TAF4B: variants seen among roughly 807,000 people sequenced by gnomAD.
TAF4B encodes the protein TATA-box binding protein associated factor 4b.
TAF4B carries 38 observed loss-of-function variants against 86.4 expected under a neutral mutation model. That is an observed-to-expected ratio of 0.44 (90% CI 0.34 to 0.58). The LOEUF is 0.58. Among genes scored for constraint, TAF4B ranks in the 20% least tolerant of loss-of-function variants. The pLI is 0.02. For missense variants in TAF4B, 988 were observed against 1,027.6 expected, an observed-to-expected ratio of 0.96 and a Z score of 0.53; for synonymous variants, 388 against 391.2, an observed-to-expected ratio of 0.99 and a Z score of 0.10.
intron 1 of TAF4B, among the ~76,000 whole-genome samples, chr18:26,258,915 T>A (rs2056123833): frequency 6.6e-6 from 1 of 151,694 alleles, no homozygotes; most frequent in Non-Finnish European, 1.5e-5. Flanking sequence ...TCCAGTCTGG[T>A]CTCAAACTCT....
chr18:26,304,922 T>C, intron 9 of TAF4B: 2 of 968,738 alleles, frequency 2.1e-6, no homozygotes, highest in South Asian at 9.6e-5. Context: ...ATTTATCTGT[T>C]GACTACTTAT....
chr18:26,323,802 T>G (rs2056982313), intron 11 of TAF4B, among the ~76,000 whole-genome samples: 1 of 152,226 alleles, frequency 6.6e-6, no homozygotes, highest in South Asian at 2.1e-4. Flanking sequence ...CCTTTCACTT[T>G]CAGCGTATTG....
At chr18:26,305,397 T>C (rs2056783669) in intron 9 of TAF4B, among the ~76,000 whole-genome samples, 1 of 152,242 alleles carries the variant, frequency 6.6e-6, no homozygotes, top group African/African-American at 2.4e-5. Flanking sequence ...TTTAGTGATA[T>C]GTTTTTGTTT....
At chr18:26,292,901 T>C (rs2056611249) in intron 8 of TAF4B, among the ~76,000 whole-genome samples, 1 of 152,002 alleles carries the variant, frequency 6.6e-6, no homozygotes, top group African/African-American at 2.4e-5. Context: ...AAAGCAACTA[T>C]TCATGGTATT....
chr18:26,298,984 C>T (rs376464042), intron 9 of TAF4B, among the ~76,000 whole-genome samples: 54 of 151,472 alleles, frequency 3.6e-4, no homozygotes, highest in African/African-American at 1.2e-3. Context: ...GCCTCAGCCT[C>T]CCGAGTAGCT....
At chr18:26,267,720 A>C in intron 3 of TAF4B, 97 bp downstream of exon 3, 1 of 818,884 alleles carries the variant, frequency 1.2e-6, no homozygotes, top group Non-Finnish European at 2.0e-6. Flanking sequence ...ACTGTGTGAC[A>C]TTGAAGATAG....
chr18:26,337,424 C>CTTTTTTT (rs551888808), intron 13 of TAF4B, among the ~76,000 whole-genome samples: 8 of 126,120 alleles, frequency 6.3e-5, no homozygotes, highest in Admixed American at 1.8e-4. Context: ...TTCTTTCTTT[C>CTTTTTTT]TTTTTTTTTT....
intron 9 of TAF4B, among the ~76,000 whole-genome samples, chr18:26,299,358 A>G (rs983908183): frequency 1.1e-4 from 17 of 152,168 alleles, no homozygotes; most frequent in African/African-American, 3.9e-4. Flanking sequence ...CATGAATTAC[A>G]TTGATTTTTA....
chr18:26,323,299 AT>A (rs2056977455), intron 11 of TAF4B, among the ~76,000 whole-genome samples: 1 of 152,120 alleles, frequency 6.6e-6, no homozygotes, highest in Non-Finnish European at 1.5e-5. Context: ...TCTATTCATT[AT>A]TGAAAGTGCA....
At chr18:26,259,674 A>C (rs2056136956) in intron 1 of TAF4B, among the ~76,000 whole-genome samples, 2 of 152,180 alleles carry the variant, frequency 1.3e-5, no homozygotes, top group South Asian at 4.1e-4. Context: ...TTCTTAATCC[A>C]GTCTATCATT....
At position 26,226,917 on chromosome 18, in the gene TAF4B, C is replaced by A; in HGVS notation, c.-17C>A. On this transcript the variant is annotated 5_prime_UTR_variant, in exon 1 of 15. Transcript: ENST00000269142. ...CCCGGAACCGCAGCGCCAAAGCTGC[C>A]GCTGAGCCCCTGGGGGATGCCCGCC... 4.4e-6 allele frequency: 6 copies of A among 1,352,370 alleles called. No homozygotes were observed. The highest frequency in any genetic ancestry group is 5.7e-6 in the Non-Finnish European group (6 of 1,060,590). 83.8% of individuals were successfully genotyped at this position (1,352,370 alleles called of 1,614,324 possible).
At chr18:26,353,897 GT>G (rs1288041784) in intron 13 of TAF4B, among the ~76,000 whole-genome samples, 1 of 152,148 alleles carries the variant, frequency 6.6e-6, no homozygotes, top group Admixed American at 6.5e-5. Flanking sequence ...TATGCATTAG[GT>G]GTCATGTTCA....
rs568068583 is a variant in TAF4B, at chr18:26,387,221, A to G, written c.2422-2624A>G. Among the ~76,000 whole-genome samples the G allele has an allele frequency of 2.4e-3, 360 of 152,074 alleles. 5 individuals are homozygous for G. Among genetic ancestry groups the G allele is most frequent in the Non-Finnish European group, 3.6e-3 (244 of 68,016 alleles). ...AGTGAGCTTACAGACGCACACCACC[A>G]TGCCTGGCTCATTTTTATTTATTTT... On this transcript the variant is annotated intron_variant, in intron 14 of 14. Coordinates refer to ENST00000269142, the MANE Select transcript of TAF4B (RefSeq NM_005640.3).
intron 1 of TAF4B, among the ~76,000 whole-genome samples, chr18:26,233,228 G>A (rs1407213626): frequency 6.6e-6 from 1 of 152,230 alleles, no homozygotes; most frequent in Non-Finnish European, 1.5e-5. Flanking sequence ...GGTGTTGGGA[G>A]CAAACTGAGT....
intron 9 of TAF4B, among the ~76,000 whole-genome samples, chr18:26,294,236 TTGA>T (rs1315488782): frequency 6.6e-6 from 1 of 152,182 alleles, no homozygotes; most frequent in Non-Finnish European, 1.5e-5. Flanking sequence ...ATTTCTGTCA[TTGA>T]TGATGAGCGT....
At chr18:26,357,634 TTCCCTC>T in intron 13 of TAF4B, 50 bp from the exon 14 acceptor site, 2 of 1,247,550 alleles carry the variant, frequency 1.6e-6, no homozygotes, top group Non-Finnish European at 2.3e-6. Context: ...CAGTTTCTTT[TTCCCTC>T]TGAGCATGAA....
At chr18:26,255,660 G>T (rs1027190137) in intron 1 of TAF4B, 163 of 1,260,010 alleles carry the variant, frequency 1.3e-4, no homozygotes, top group Non-Finnish European at 1.7e-4. Flanking sequence ...AATTTAGATG[G>T]TTTTTTTTGT....
intron 12 of TAF4B, among the ~76,000 whole-genome samples, chr18:26,330,977 C>G (rs1282293076): frequency 6.6e-6 from 1 of 152,138 alleles, no homozygotes; most frequent in African/African-American, 2.4e-5. Flanking sequence ...TGATGAGACC[C>G]CCACTCCCTC....
intron 11 of TAF4B, among the ~76,000 whole-genome samples, chr18:26,322,091 C>T (rs2056967877): frequency 2.0e-5 from 3 of 151,962 alleles, no homozygotes; most frequent in Non-Finnish European, 4.4e-5. Context: ...ATAACTGTTT[C>T]CCTCTTTCCA....
Sources: allele counts gnomAD v4.1 joint callset (sites outside exome capture counted in the v4.1 genomes callset), GRCh38; gene constraint gnomAD v4.1.1; transcripts MANE v1.5; gene names NCBI Gene and HGNC (gene_info 2026-07-23, HGNC 2026-07-21).